Variants in THRB observed in about 807,000 individuals in gnomAD.
The protein encoded by THRB is thyroid hormone receptor beta, also known as nuclear receptor subfamily 1 group A member 2.
A neutral mutation model predicts 47.8 loss-of-function variants in THRB; 12 were observed. The ratio of observed to expected loss-of-function variants is 0.25; its 90% CI spans 0.16 to 0.41. The LOEUF is 0.41. THRB is among the 10% of genes least tolerant of loss of function. The pLI, the probability that THRB is intolerant of heterozygous loss-of-function variation, is 1.00. For missense variants in THRB, 348 were observed against 589.2 expected, an observed-to-expected ratio of 0.59 and a Z score of 4.24; for synonymous variants, 218 against 212.2, an observed-to-expected ratio of 1.03 and a Z score of -0.24.
rs552051123 is a variant in THRB, at chr3:24,442,550, C to T, written c.-261+52102G>A. 1.7e-4 allele frequency among the ~76,000 whole-genome samples: 26 copies of T among 152,328 alleles called. No homozygotes were observed. The South Asian group carries it at 1.9e-3, about 11-fold the overall frequency. ...ATTTTAAAACTAAGGTCTAGCCAGG[C>T]GCAGTGGCTCACGCCTGTAATCCCA... On this transcript the variant is annotated intron_variant, in intron 1 of 10. Coordinates refer to ENST00000646209, the MANE Select transcript of THRB (RefSeq NM_001354712.2).
intron 1 of THRB, among the ~76,000 whole-genome samples, chr3:24,368,473 T>C (rs373407584): frequency 2.0e-4 from 30 of 152,258 alleles, no homozygotes; most frequent in African/African-American, 6.7e-4. Context: ...TAATGTTAGA[T>C]ACAAAGCAAA....
At chr3:24,300,589 T>C (rs2056870033) in intron 2 of THRB, among the ~76,000 whole-genome samples, 1 of 152,324 alleles carries the variant, frequency 6.6e-6, no homozygotes, top group South Asian at 2.1e-4. Context: ...GATATCTCCC[T>C]GTGTTTTTTA....
At chr3:24,405,945 A>G (rs35493522) in intron 1 of THRB, among the ~76,000 whole-genome samples, 19,190 of 151,460 alleles carry the variant, frequency 0.13, 1,590 homozygotes, top group Middle Eastern at 0.19. Flanking sequence ...ATTTCTTTTT[A>G]TATTTAGTCC....
chr3:24,139,368 TTC>T lies in THRB; in HGVS notation c.738+4131_738+4132del, dbSNP rs750940300. On this transcript the variant is annotated intron_variant, in intron 8 of 10. Transcript: ENST00000646209. The stretch of plus-strand genomic sequence containing the variant: ...ACTGTCTCTGTTTCTTTTTCTTTCT[TTC>T]TTTCTTTTTCTTTTCTTTCTTTTTT... Among the ~76,000 whole-genome samples, 320 of 143,446 alleles carry T rather than the reference TTC, an allele frequency of 2.2e-3. 1 individual carries two copies. Among genetic ancestry groups the T allele is most frequent in the Non-Finnish European group, 3.7e-3 (244 of 65,590 alleles). The allele number at this position is 143,446 out of a possible 152,430, so 94.1% of individuals were successfully genotyped here.
chr3:24,288,935 C>T (rs1336298137), intron 3 of THRB, among the ~76,000 whole-genome samples: 4 of 152,178 alleles, frequency 2.6e-5, no homozygotes, highest in Non-Finnish European at 4.4e-5. Flanking sequence ...CTGTGGTCAT[C>T]AATTGGAAAG....
intron 3 of THRB, among the ~76,000 whole-genome samples, chr3:24,230,052 G>A (rs1371444358): frequency 2.0e-5 from 3 of 152,222 alleles, no homozygotes; most frequent in African/African-American, 4.8e-5. Context: ...AATCTATAAC[G>A]TACTGTGCCC....
intron 1 of THRB, among the ~76,000 whole-genome samples, chr3:24,363,067 G>C (rs2064189597): frequency 6.6e-6 from 1 of 152,064 alleles, no homozygotes; most frequent in South Asian, 2.1e-4. Context: ...TTAATTTTTA[G>C]AGCAGTTGAT....
intron 1 of THRB, among the ~76,000 whole-genome samples, chr3:24,422,603 A>G (rs2069370180): frequency 6.6e-6 from 1 of 151,924 alleles, no homozygotes; most frequent in African/African-American, 2.4e-5. Context: ...GAGCTAAAAG[A>G]CAGATGTGCG....
chr3:24,291,882 G>T (rs2055954947), intron 3 of THRB, among the ~76,000 whole-genome samples: 1 of 151,968 alleles, frequency 6.6e-6, no homozygotes, highest in South Asian at 2.1e-4. Context: ...AATTTATCCT[G>T]CAGACATAGT....
At chr3:24,461,053 C>T (rs534155694) in intron 1 of THRB, among the ~76,000 whole-genome samples, 10 of 152,296 alleles carry the variant, frequency 6.6e-5, no homozygotes, top group African/African-American at 2.4e-4. Context: ...TTTATGCACA[C>T]CATTTTCTAG....
intron 3 of THRB, among the ~76,000 whole-genome samples, chr3:24,284,155 G>C (rs1417692610): frequency 6.7e-6 from 1 of 148,738 alleles, no homozygotes; most frequent in Non-Finnish European, 1.5e-5. Flanking sequence ...AAAGCTGGAG[G>C]CATCACACTA....
chr3:24,218,194 G>T (rs1177296975), intron 4 of THRB, among the ~76,000 whole-genome samples: 1 of 151,990 alleles, frequency 6.6e-6, no homozygotes, highest in Non-Finnish European at 1.5e-5. Flanking sequence ...CTTGAACCCA[G>T]GAGACGGAGC....
At chr3:24,202,960 T>A (rs1374077148) in intron 4 of THRB, among the ~76,000 whole-genome samples, 2 of 152,200 alleles carry the variant, frequency 1.3e-5, no homozygotes, top group Non-Finnish European at 2.9e-5. Flanking sequence ...TTCCTCAGGA[T>A]GGGTCAACTG....
intron 3 of THRB, among the ~76,000 whole-genome samples, chr3:24,269,387 ACGCGCGCGCG>A (rs140133862): frequency 2.0e-5 from 2 of 98,326 alleles, no homozygotes; most frequent in African/African-American, 7.8e-5. Flanking sequence ...CATAGCTCAC[ACGCGCGCGCG>A]CGCGCGCACA....
At position 24,146,697 on chromosome 3, in the gene THRB, G is replaced by T. The variant is rs2036150488; in HGVS notation, c.510C>A (p.Ile170=). ...TACAATCTGTTGCCATGCCAACATAGATGCATTTCTTAAAGCGACATTCCT... is the reference window on the plus strand; with the variant it reads ...TACAATCTGTTGCCATGCCAACATATATGCATTTCTTAAAGCGACATTCCT... ...QCQECRFKKC[I]YVGMATDLVL... is the part of the protein sequence containing the mutation. The change falls in exon 7 of 11, where the codon ATC becomes ATA. Residue 170 remains isoleucine, a synonymous_variant. Coordinates refer to ENST00000646209, the MANE Select transcript of THRB (RefSeq NM_001354712.2). 3.7e-6 allele frequency: 6 copies of T among 1,614,128 alleles called. No individual in the cohort carries two copies. The highest frequency in any genetic ancestry group is 5.1e-6 in the Non-Finnish European group (6 of 1,180,000).
At chr3:24,482,553 C>CTT (rs1427800242) in intron 1 of THRB, among the ~76,000 whole-genome samples, 1 of 149,530 alleles carries the variant, frequency 6.7e-6, no homozygotes, top group Admixed American at 6.6e-5. Flanking sequence ...CTCTCTCTCT[C>CTT]TCTCTCTCTC....
rs531059294 is a variant in THRB at position 24,472,121 on chromosome 3, T to A, written c.-261+22531A>T. On this transcript the variant is annotated intron_variant, in intron 1 of 10. Coordinates refer to ENST00000646209, the MANE Select transcript of THRB (RefSeq NM_001354712.2). The stretch of plus-strand genomic sequence containing the variant: ...AATTAGAAATTGAATCTCAGAAAAA[T>A]TAAGCAATTTTTTCTCAGATCTTAT... 2.4e-3 allele frequency among the ~76,000 whole-genome samples: 363 copies of A among 152,266 alleles called. 5 individuals are homozygous for A. Among genetic ancestry groups the A allele is most frequent in the East Asian group, 6.6e-3 (34 of 5,184 alleles).
chr3:24,135,277 G>A (rs1160940826), intron 8 of THRB, among the ~76,000 whole-genome samples: 3 of 152,182 alleles, frequency 2.0e-5, no homozygotes, highest in East Asian at 1.9e-4. Flanking sequence ...AGAGCACCAG[G>A]GTCAACAGGA....
intron 9 of THRB, among the ~76,000 whole-genome samples, chr3:24,129,638 G>C (rs1266028111): frequency 2.0e-5 from 3 of 152,200 alleles, no homozygotes; most frequent in Non-Finnish European, 2.9e-5. Context: ...GGTGAGATTT[G>C]TTTCAACACG....
Sources: allele counts gnomAD v4.1 joint callset (sites outside exome capture counted in the v4.1 genomes callset), GRCh38; gene constraint gnomAD v4.1.1; transcripts MANE v1.5; gene names NCBI Gene and HGNC (gene_info 2026-07-23, HGNC 2026-07-21).